TARBP1: variants seen among roughly 807,000 people sequenced by gnomAD.
The protein encoded by TARBP1 is tRNA (guanosine(18)-2'-O)-methyltransferase TARBP1.
In TARBP1, 144 loss-of-function variants were observed where a neutral mutation model predicts 178.6. The observed-to-expected ratio is 0.81, with a 90% CI of 0.70 to 0.93. TARBP1 has a LOEUF of 0.93. TARBP1 is among the 40% of genes least tolerant of loss of function. The probability of loss-of-function intolerance (pLI) is 0.00; values close to 1 mark genes in which losing one functional copy is unlikely to be tolerated. For missense variants in TARBP1, 2,067 were observed against 2,011.7 expected (o/e 1.03, Z -0.53); for synonymous variants, 787 against 781.0 (o/e 1.01, Z -0.13).
intron 1 of TARBP1, among the ~76,000 whole-genome samples, chr1:234,473,584 A>C (rs143570807): frequency 6.6e-6 from 1 of 152,224 alleles, no homozygotes; most frequent in African/African-American, 2.4e-5. Flanking sequence ...GCATCAGACA[A>C]CTGGAAGATG....
chr1:234,399,586 G>A (rs561669424), intron 25 of TARBP1, among the ~76,000 whole-genome samples: 4 of 152,132 alleles, frequency 2.6e-5, no homozygotes, highest in South Asian at 2.1e-4. Context: ...ACATGCACAC[G>A]TATGTTTATT....
intron 23 of TARBP1, 89 bp from the exon 24 acceptor site, chr1:234,406,188 AC>A: frequency 8.4e-7 from 1 of 1,194,310 alleles, no homozygotes; most frequent in East Asian, 2.4e-5. Flanking sequence ...CACGAATGAT[AC>A]AACTGCTCCT....
rs137865896 is a variant in TARBP1 at position 234,399,416 on chromosome 1, C to T, written c.4072-863G>A. On this transcript the variant is annotated intron_variant, in intron 25 of 29. Coordinates refer to ENST00000040877, the MANE Select transcript of TARBP1 (RefSeq NM_005646.4). ...TTAAGGGGGAACCAAGTAGGGGGCA[C>T]CAAGTACAGCTCCAAATACATGAAG... 5.5e-3 allele frequency among the ~76,000 whole-genome samples: 845 copies of T among 152,298 alleles called. 15 individuals carry two copies. Among genetic ancestry groups the T allele is most frequent in the African/African-American group, 0.019 (791 of 41,556 alleles).
At position 234,448,029 on chromosome 1, in the gene TARBP1, A is replaced by C. The variant is rs868324437; in HGVS notation, c.1961+451T>G. The stretch of plus-strand genomic sequence containing the variant: ...ATCGTGGCTCACTGCAACCTCCGCC[A>C]CCCAGTTCAAGTGATCTTCCCGCCT... On this transcript the variant is annotated intron_variant, in intron 11 of 29. Transcript: ENST00000040877. 1.2e-4 allele frequency among the ~76,000 whole-genome samples: 18 copies of C among 152,242 alleles called. No individual in the cohort carries two copies. The Middle Eastern group carries it at 0.014, about 115-fold the overall frequency.
chr1:234,398,708 C>CTA (rs1439506809), intron 25 of TARBP1, among the ~76,000 whole-genome samples, 155 bp from the exon 26 acceptor site: 1 of 152,220 alleles, frequency 6.6e-6, no homozygotes, highest in East Asian at 1.9e-4. Context: ...TAGCAACTGT[C>CTA]TATATATATT....
chr1:234,451,766 A>AAAAAAAAAAACAAAAAACAAAAAAAC (rs57636903), intron 9 of TARBP1, among the ~76,000 whole-genome samples: 1 of 17,166 alleles, frequency 5.8e-5, no homozygotes, highest in Non-Finnish European at 8.8e-5. Flanking sequence ...AAAAAAAAAA[A>AAAAAAAAAAACAAAAAACAAAAAAAC]TGATGAATGA....
chr1:234,423,213 T>C, intron 20 of TARBP1, among the ~76,000 whole-genome samples: 1 of 152,226 alleles, frequency 6.6e-6, no homozygotes, highest in Admixed American at 6.5e-5. Flanking sequence ...GCTCCAATTT[T>C]GCTACAACCT....
intron 18 of TARBP1, 74 bp from the exon 19 acceptor site, chr1:234,427,462 TTAAC>T (rs970019795): frequency 4.1e-6 from 6 of 1,456,318 alleles, no homozygotes; most frequent in African/African-American, 2.9e-5. Flanking sequence ...AAGGTTAAAG[TTAAC>T]TAATAATTTA....
intron 7 of TARBP1, among the ~76,000 whole-genome samples, 163 bp from the exon 8 acceptor site, chr1:234,459,489 A>G (rs1667624609): frequency 6.6e-6 from 1 of 152,160 alleles, no homozygotes; most frequent in Non-Finnish European, 1.5e-5. Flanking sequence ...TAAGAGCTCA[A>G]TTTTACTATG....
chr1:234,433,331 A>G (rs1664668376), intron 14 of TARBP1, 79 bp downstream of exon 14: 2 of 1,396,210 alleles, frequency 1.4e-6, no homozygotes, highest in Non-Finnish European at 2.0e-6. Flanking sequence ...TGGTATCAAA[A>G]TAGTGTATAA....
At position 234,446,945 on chromosome 1, in the gene TARBP1, C is replaced by G. The variant is rs1280849099; in HGVS notation, c.1992G>C (p.Arg664=). ...CATCCAGAAGAGGGTCTAAGAATAT[C>G]CGCAATACATTCTCTGTTCTCTGCT... ...SGKQRTENVL[R]IFLDPLLDVL... is the part of the protein sequence containing the mutation. Residue 664 remains arginine (R), a synonymous_variant, in exon 12 of 30, where the codon CGG becomes CGC. Transcript: ENST00000040877. The G allele has an allele frequency of 1.2e-6, 2 of 1,613,632 alleles. No individual in the cohort carries two copies. Among genetic ancestry groups the G allele is most frequent in the Non-Finnish European group, 8.5e-7 (1 of 1,179,758 alleles).
At chr1:234,447,056 T>C in intron 11 of TARBP1, 81 bp from the exon 12 acceptor site, 1 of 1,481,614 alleles carries the variant, frequency 6.7e-7, no homozygotes, top group Non-Finnish European at 9.4e-7. Flanking sequence ...GGGTGAAAAC[T>C]GGTTAGCTAA....
chr1:234,465,963 T>C (rs1449644765), intron 4 of TARBP1, among the ~76,000 whole-genome samples: 1 of 152,038 alleles, frequency 6.6e-6, no homozygotes, highest in Non-Finnish European at 1.5e-5. Context: ...AGTTCATGTG[T>C]TGGGTCAAGA....
chr1:234,412,015 G>A (rs1400907859), intron 22 of TARBP1, among the ~76,000 whole-genome samples: 1 of 152,088 alleles, frequency 6.6e-6, no homozygotes, highest in Non-Finnish European at 1.5e-5. Flanking sequence ...AAATCTACTG[G>A]AGAAGATAAA....
chr1:234,466,136 A>T lies in TARBP1; in HGVS notation c.1249-428T>A, dbSNP rs557092642. On this transcript the variant is annotated intron_variant, in intron 4 of 29. Coordinates refer to ENST00000040877, the MANE Select transcript of TARBP1 (RefSeq NM_005646.4). ...CTATTAGATACTGGTCAGAAAAGCAAGCTTACATGAAGTGCAGAAATAATA... is the reference window on the plus strand; with the variant it reads ...CTATTAGATACTGGTCAGAAAAGCATGCTTACATGAAGTGCAGAAATAATA... Among the ~76,000 whole-genome samples, 148 of 152,250 alleles carry T rather than the reference A, an allele frequency of 9.7e-4. 4 individuals carry two copies. The highest frequency in any genetic ancestry group is 5.9e-4 in the Admixed American group (9 of 15,288).
At chr1:234,428,570 G>A (rs1340917738) in intron 17 of TARBP1, among the ~76,000 whole-genome samples, 17 of 150,840 alleles carry the variant, frequency 1.1e-4, no homozygotes, top group Admixed American at 6.6e-4. Context: ...TTTTGAGATG[G>A]AGTCTTGCTC....
intron 19 of TARBP1, among the ~76,000 whole-genome samples, chr1:234,426,843 A>C (rs960542851): frequency 1.3e-5 from 2 of 152,246 alleles, no homozygotes; most frequent in African/African-American, 4.8e-5. Context: ...TTTACATGTC[A>C]ATCATTACTT....
chr1:234,423,302 G>C (rs1663320524), intron 20 of TARBP1, among the ~76,000 whole-genome samples: 1 of 152,122 alleles, frequency 6.6e-6, no homozygotes, highest in Non-Finnish European at 1.5e-5. Context: ...TTGCCTATGT[G>C]ATTATTGCTG....
At chr1:234,392,249 T>C (rs1440056913) in intron 29 of TARBP1, among the ~76,000 whole-genome samples, 167 bp downstream of exon 29, 2 of 152,032 alleles carry the variant, frequency 1.3e-5, no homozygotes, top group Non-Finnish European at 2.9e-5. Context: ...TGCCTGAAAA[T>C]TGCTTGAGCC....
Sources: gnomAD v4.1 joint callset for allele counts (sites outside exome capture counted in the v4.1 genomes callset) on GRCh38, gnomAD v4.1.1 for gene constraint, MANE v1.5 for transcripts, NCBI Gene and HGNC (gene_info 2026-07-23, HGNC 2026-07-21) for gene names.